EMCN: variants seen among roughly 807,000 people sequenced by gnomAD.
EMCN encodes the protein MUC-14.
A neutral mutation model predicts 38.4 loss-of-function variants in EMCN; 37 were observed. That is an observed-to-expected ratio of 0.96 (90% CI 0.74 to 1.27). The LOEUF is 1.27. Among genes scored for constraint, EMCN ranks in the 50% most tolerant of loss-of-function variants. EMCN has a pLI of 0.00. For missense variants in EMCN, 318 were observed against 302.8 expected, an observed-to-expected ratio of 1.05 and a Z score of -0.37; for synonymous variants, 95 against 100.8, an observed-to-expected ratio of 0.94 and a Z score of 0.35.
chr4:100,490,922 T>C (rs57402961), intron 1 of EMCN, among the ~76,000 whole-genome samples: 3,526 of 152,328 alleles, frequency 0.023, 136 homozygotes, highest in African/African-American at 0.08. Context: ...ATTAACGACA[T>C]TGAGCATTTT....
intron 1 of EMCN, among the ~76,000 whole-genome samples, chr4:100,487,192 G>A (rs1351980356): frequency 6.6e-6 from 1 of 152,204 alleles, no homozygotes; most frequent in East Asian, 1.9e-4. Context: ...TGGTTCTGCA[G>A]CTCAAAAACT....
At chr4:100,404,243 T>G (rs1578388772) in intron 11 of EMCN, among the ~76,000 whole-genome samples, 1 of 152,212 alleles carries the variant, frequency 6.6e-6, no homozygotes, top group Non-Finnish European at 1.5e-5. Context: ...TGATAAAAGG[T>G]AAGGATCCAG....
rs771694055 is a variant in EMCN, at chr4:100,423,091, G to GA, written c.509-12dup. Reference sequence around the variant, plus strand: ...CCTCAGTGCCTATTACTTTAAGAAAGAAAAAAACAAGTCACTTTTGGTTAA... The same window carrying GA: ...CCTCAGTGCCTATTACTTTAAGAAAGAAAAAAAACAAGTCACTTTTGGTTAA... On this transcript the variant is annotated splice_polypyrimidine_tract_variant and intron_variant, in intron 6 of 11. Coordinates refer to ENST00000296420, the MANE Select transcript of EMCN (RefSeq NM_016242.4). 5.1e-5 allele frequency: 83 copies of GA among 1,612,360 alleles called. No individual in the cohort carries two copies. Among genetic ancestry groups the GA allele is most frequent in the Non-Finnish European group, 6.8e-5 (80 of 1,179,096 alleles).
chr4:100,511,465 TA>T (rs909875718), intron 1 of EMCN, among the ~76,000 whole-genome samples: 1 of 152,146 alleles, frequency 6.6e-6, no homozygotes, highest in Non-Finnish European at 1.5e-5. Flanking sequence ...TCAATGGATT[TA>T]AAAAAACAGT....
At position 100,415,978 on chromosome 4, in the gene EMCN, A is replaced by G; in HGVS notation, c.690-19T>C. The G allele has an allele frequency of 2.0e-6, 3 of 1,523,632 alleles. No homozygotes were observed. Among genetic ancestry groups the G allele is most frequent in the South Asian group, 2.4e-5 (2 of 82,938 alleles). 94.4% of individuals were successfully genotyped at this position (1,523,632 alleles called of 1,614,324 possible). A position where few individuals can be genotyped will look rare whatever the true frequency, so the allele number is the denominator to read the frequency against. Reference sequence around the variant, plus strand: ...CTGAGGTCTATTTGAAAAAAAAAACATGAAATTAACACCACAGTAATCAGC... The same window carrying G: ...CTGAGGTCTATTTGAAAAAAAAAACGTGAAATTAACACCACAGTAATCAGC... On this transcript the variant is annotated intron_variant, in intron 9 of 11. Coordinates refer to ENST00000296420, the MANE Select transcript of EMCN (RefSeq NM_016242.4).
intron 3 of EMCN, among the ~76,000 whole-genome samples, chr4:100,469,407 A>G (rs1728411595): frequency 6.6e-6 from 1 of 152,158 alleles, no homozygotes; most frequent in African/African-American, 2.4e-5. Flanking sequence ...GCTCAGCTAC[A>G]AAAGCAAAAG....
At chr4:100,416,241 G>A (rs966592905) in intron 9 of EMCN, among the ~76,000 whole-genome samples, 5 of 152,034 alleles carry the variant, frequency 3.3e-5, no homozygotes, top group African/African-American at 1.2e-4. Context: ...TCTTATAGTG[G>A]TGATTGTCAG....
chr4:100,472,526 T>C (rs1728504708), intron 3 of EMCN, among the ~76,000 whole-genome samples: 1 of 152,158 alleles, frequency 6.6e-6, no homozygotes, highest in Non-Finnish European at 1.5e-5. Flanking sequence ...ATTGTTAAGA[T>C]GGCAATACTC....
chr4:100,452,162 C>G (rs1420468507), intron 4 of EMCN, among the ~76,000 whole-genome samples: 2 of 151,932 alleles, frequency 1.3e-5, no homozygotes, highest in African/African-American at 4.8e-5. Context: ...TCATGTCCAG[C>G]TAGTAGCTTA....
intron 2 of EMCN, among the ~76,000 whole-genome samples, chr4:100,478,759 A>G (rs772080420): frequency 3.9e-5 from 6 of 152,170 alleles, no homozygotes; most frequent in Non-Finnish European, 8.8e-5. Context: ...GTATATGAAT[A>G]ATTTAACACT....
chr4:100,439,077 T>C (rs1309668051), intron 5 of EMCN, among the ~76,000 whole-genome samples: 1 of 152,114 alleles, frequency 6.6e-6, no homozygotes, highest in Non-Finnish European at 1.5e-5. Flanking sequence ...TTTTCTTGTC[T>C]TGTAATATCT....
chr4:100,447,911 T>A (rs1331141894), intron 4 of EMCN, among the ~76,000 whole-genome samples: 2 of 152,070 alleles, frequency 1.3e-5, no homozygotes, highest in African/African-American at 2.4e-5. Flanking sequence ...AAAACTTTAT[T>A]TTCAAAAAGT....
At chr4:100,499,915 A>G (rs1474054011) in intron 1 of EMCN, among the ~76,000 whole-genome samples, 4 of 152,202 alleles carry the variant, frequency 2.6e-5, no homozygotes, top group Non-Finnish European at 5.9e-5. Context: ...TAAATAGGTA[A>G]GGTTTAATGA....
chr4:100,430,659 G>T (rs1349807197), intron 5 of EMCN, among the ~76,000 whole-genome samples: 5 of 152,114 alleles, frequency 3.3e-5, no homozygotes, highest in African/African-American at 1.2e-4. Flanking sequence ...TGACTTTTCA[G>T]TGCAGACTAG....
At chr4:100,478,652 A>C (rs1488993419) in intron 2 of EMCN, among the ~76,000 whole-genome samples, 1 of 152,178 alleles carries the variant, frequency 6.6e-6, no homozygotes, top group Non-Finnish European at 1.5e-5. Flanking sequence ...ATGGAGATTA[A>C]TTACAGTATT....
chr4:100,401,443 C>T (rs1726259077), intron 11 of EMCN, among the ~76,000 whole-genome samples: 1 of 152,206 alleles, frequency 6.6e-6, no homozygotes, highest in Non-Finnish European at 1.5e-5. Context: ...TTATTTACAT[C>T]AGGGACTTGA....
intron 11 of EMCN, among the ~76,000 whole-genome samples, chr4:100,409,213 G>GTTTT (rs1726480686): frequency 7.1e-6 from 1 of 139,914 alleles, no homozygotes; most frequent in African/African-American, 2.6e-5. Context: ...TTCTGGACAC[G>GTTTT]TATTTATTTT....
rs71594584 is a variant in EMCN, at chr4:100,396,540, C to CTTTTTTTTT, written c.*1864_*1872dup. 1.0e-5 allele frequency: 1 copy of CTTTTTTTTT among 99,602 alleles called. No individual in the cohort carries two copies. Among genetic ancestry groups the CTTTTTTTTT allele is most frequent in the Non-Finnish European group, 1.8e-5 (1 of 54,526 alleles). 6.2% of individuals were successfully genotyped at this position (99,602 alleles called of 1,614,324 possible). On this transcript the variant is annotated 3_prime_UTR_variant, in exon 12 of 12. Coordinates refer to ENST00000296420, the MANE Select transcript of EMCN (RefSeq NM_016242.4). ...GGACTTTCTTTCTTTCTTTTTTTTC[C>CTTTTTTTTT]TTTTTTTTTTTTTTTTTTTTGAGAC...
intron 4 of EMCN, among the ~76,000 whole-genome samples, chr4:100,453,860 A>G (rs1174775939): frequency 1.3e-5 from 2 of 152,178 alleles, no homozygotes; most frequent in Non-Finnish European, 1.5e-5. Flanking sequence ...TGATGAGTTC[A>G]TGTCCTTTGT....
Sources: gnomAD v4.1 joint callset for allele counts (sites outside exome capture counted in the v4.1 genomes callset) on GRCh38, gnomAD v4.1.1 for gene constraint, MANE v1.5 for transcripts, NCBI Gene and HGNC (gene_info 2026-07-23, HGNC 2026-07-21) for gene names.